The following CDKAL1 variants were observed in gnomAD, a reference collection of about 807,000 sequenced individuals.
CDKAL1 encodes threonylcarbamoyladenosine tRNA methylthiotransferase.
CDKAL1 carries 32 observed loss-of-function variants against 68.2 expected under a neutral mutation model. The ratio of observed to expected loss-of-function variants is 0.47; its 90% CI spans 0.35 to 0.63. CDKAL1 has a LOEUF of 0.63. Among genes scored for constraint, CDKAL1 ranks in the 30% least tolerant of loss-of-function variants. The pLI, the probability that CDKAL1 is intolerant of heterozygous loss-of-function variation, is 0.00. For synonymous variants in CDKAL1, 234 were observed against 244.3 expected, an observed-to-expected ratio of 0.96 and a Z score of 0.39; for missense variants, 606 against 696.7, an observed-to-expected ratio of 0.87 and a Z score of 1.47.
chr6:20,820,332 C>G (rs1003157350), intron 8 of CDKAL1, among the ~76,000 whole-genome samples: 2 of 152,122 alleles, frequency 1.3e-5, no homozygotes, highest in African/African-American at 4.8e-5. Context: ...TTAATGAACA[C>G]CTATACTGTT....
At chr6:20,681,704 C>G (rs553802555) in intron 5 of CDKAL1, among the ~76,000 whole-genome samples, 38 of 152,132 alleles carry the variant, frequency 2.5e-4, no homozygotes, top group African/African-American at 7.0e-4. Flanking sequence ...TTCTGGGTTC[C>G]AGTTTTCCTC....
At chr6:20,540,560 G>A (rs143252893) in intron 2 of CDKAL1, among the ~76,000 whole-genome samples, 1,894 of 151,898 alleles carry the variant, frequency 0.012, 43 homozygotes, top group African/African-American at 0.043. Context: ...GGTTCAAGCG[G>A]TTCTTCTGTT....
At chr6:20,600,876 T>C (rs1343607323) in intron 4 of CDKAL1, among the ~76,000 whole-genome samples, 1 of 151,114 alleles carries the variant, frequency 6.6e-6, no homozygotes, top group African/African-American at 2.4e-5. Flanking sequence ...GTGTATTTAA[T>C]GTATTAGATT....
At chr6:21,191,029 G>A (rs1266535474) in intron 13 of CDKAL1, among the ~76,000 whole-genome samples, 2 of 152,196 alleles carry the variant, frequency 1.3e-5, no homozygotes. Flanking sequence ...GAGTTTAAGA[G>A]AAACCTTTTG....
intron 4 of CDKAL1, among the ~76,000 whole-genome samples, chr6:20,556,132 A>G (rs1764034667): frequency 1.3e-5 from 2 of 152,036 alleles, no homozygotes; most frequent in Admixed American, 1.3e-4. Flanking sequence ...TGGGCGGCCT[A>G]GGCAGGTGGA....
chr6:20,741,769 A>G (rs1293435368), intron 6 of CDKAL1, among the ~76,000 whole-genome samples: 2 of 152,176 alleles, frequency 1.3e-5, no homozygotes, highest in Non-Finnish European at 2.9e-5. Context: ...TACAGTGAAC[A>G]TTCACATGCA....
chr6:20,965,238 G>T (rs1221395788), intron 10 of CDKAL1, among the ~76,000 whole-genome samples: 1 of 151,112 alleles, frequency 6.6e-6, no homozygotes, highest in South Asian at 2.1e-4. Context: ...CTTGGACCCA[G>T]GAGTTCAAGA....
rs116606708 is a variant in CDKAL1, at chr6:20,613,697, T to G, written c.287-35596T>G. Among the ~76,000 whole-genome samples the G allele has an allele frequency of 8.5e-3, 1,275 of 150,458 alleles. 26 individuals are homozygous for G. The highest frequency in any genetic ancestry group is 0.027 in the African/African-American group (1,095 of 41,232). ...TAATATATATTATTTAGCCATTCCT[T>G]TTATTCTAGACATTTTTGTTGTTTC... On this transcript the variant is annotated intron_variant, in intron 4 of 15. Coordinates refer to ENST00000274695, the MANE Select transcript of CDKAL1 (RefSeq NM_017774.3).
intron 9 of CDKAL1, among the ~76,000 whole-genome samples, chr6:20,849,546 GAACTCGAGCCTGGGCGAC>G (rs1332517915): frequency 2.9e-5 from 4 of 136,992 alleles, no homozygotes; most frequent in African/African-American, 1.1e-4. Flanking sequence ...TTGCGCCACT[GAACTCGAGCCTGGGCGAC>G]AGAGCAAGAC....
chr6:20,858,904 A>G (rs1220348383), intron 9 of CDKAL1, among the ~76,000 whole-genome samples: 2 of 152,196 alleles, frequency 1.3e-5, no homozygotes, highest in African/African-American at 2.4e-5. Flanking sequence ...TCTTGGGGAC[A>G]AAGAGTATAT....
At chr6:20,837,682 A>G (rs1778002943) in intron 8 of CDKAL1, among the ~76,000 whole-genome samples, 1 of 151,950 alleles carries the variant, frequency 6.6e-6, no homozygotes, top group Non-Finnish European at 1.5e-5. Flanking sequence ...GACGAGTGTT[A>G]ACTATTAATC....
chr6:20,851,784 A>G (rs934856727), intron 9 of CDKAL1, among the ~76,000 whole-genome samples: 2 of 151,660 alleles, frequency 1.3e-5, no homozygotes, highest in Admixed American at 6.6e-5. Context: ...AAGATTAATT[A>G]TGAAATGCAA....
chr6:21,036,777 A>G (rs1769619446), intron 11 of CDKAL1, among the ~76,000 whole-genome samples: 5 of 152,184 alleles, frequency 3.3e-5, no homozygotes, highest in Admixed American at 3.3e-4. Flanking sequence ...CATTCACTTT[A>G]ATTTTGGTAT....
chr6:20,637,452 A>G (rs1581868901), intron 4 of CDKAL1, among the ~76,000 whole-genome samples: 1 of 151,974 alleles, frequency 6.6e-6, no homozygotes, highest in African/African-American at 2.4e-5. Context: ...AGTCCCACCT[A>G]CTCGGGAGGC....
intron 12 of CDKAL1, among the ~76,000 whole-genome samples, chr6:21,067,722 T>G (rs1771535998): frequency 1.3e-5 from 2 of 152,150 alleles, no homozygotes; most frequent in South Asian, 2.1e-4. Flanking sequence ...GGGGTCTGGC[T>G]AGGAGTGTAA....
intron 11 of CDKAL1, among the ~76,000 whole-genome samples, chr6:21,004,963 C>CA (rs1767642870): frequency 6.6e-6 from 1 of 151,682 alleles, no homozygotes; most frequent in Non-Finnish European, 1.5e-5. Context: ...TCCTGTCTTT[C>CA]AAAAAAAATT....
At chr6:20,688,299 T>A (rs1302491732) in intron 5 of CDKAL1, among the ~76,000 whole-genome samples, 1 of 152,152 alleles carries the variant, frequency 6.6e-6, no homozygotes, top group Non-Finnish European at 1.5e-5. Context: ...TTTTCAGTGA[T>A]TACTGCTCTG....
At chr6:20,622,062 A>T (rs1206435113) in intron 4 of CDKAL1, among the ~76,000 whole-genome samples, 4 of 152,142 alleles carry the variant, frequency 2.6e-5, no homozygotes, top group Admixed American at 2.0e-4. Flanking sequence ...ATGAGTTCTT[A>T]CTGATGTTTC....
chr6:20,904,805 A>G (rs1199639092), intron 9 of CDKAL1, among the ~76,000 whole-genome samples: 1 of 151,892 alleles, frequency 6.6e-6, no homozygotes, highest in African/African-American at 2.4e-5. Context: ...AAAAAAAAAG[A>G]AAAAAGAAAG....
Sources: allele counts gnomAD v4.1 joint callset (sites outside exome capture counted in the v4.1 genomes callset), GRCh38; gene constraint gnomAD v4.1.1; transcripts MANE v1.5; gene names NCBI Gene and HGNC (gene_info 2026-07-23, HGNC 2026-07-21).